ZNF793: variants seen among roughly 807,000 people sequenced by gnomAD.
ZNF793 encodes the protein zinc finger protein 793.
A neutral mutation model predicts 12.4 loss-of-function variants in ZNF793; 5 were observed. That is an observed-to-expected ratio of 0.40 (90% CI 0.21 to 0.84). The LOEUF (loss-of-function observed/expected upper bound fraction) is 0.84, where lower values mean the gene tolerates loss of function less well. Ranked by LOEUF, ZNF793 falls within the 40% of genes least tolerant of loss-of-function variation. The pLI is 0.35. For missense variants in ZNF793, 456 were observed against 495.0 expected, an observed-to-expected ratio of 0.92 and a Z score of 0.75; for synonymous variants, 162 against 172.4, an observed-to-expected ratio of 0.94 and a Z score of 0.47.
At chr19:37,528,153 G>A (rs1482886327) in intron 5 of ZNF793, among the ~76,000 whole-genome samples, 1 of 151,976 alleles carries the variant, frequency 6.6e-6, no homozygotes, top group Admixed American at 6.6e-5. Flanking sequence ...AATTAATTAA[G>A]TAAAATCAAC....
intron 2 of ZNF793, among the ~76,000 whole-genome samples, chr19:37,515,818 T>A (rs1036711851): frequency 2.6e-5 from 4 of 152,326 alleles, no homozygotes; most frequent in African/African-American, 4.8e-5. Context: ...TCGACAATTT[T>A]AAAAATTGTC....
chr19:37,518,609 C>T (rs943148750), intron 2 of ZNF793, among the ~76,000 whole-genome samples: 1 of 125,140 alleles, frequency 8.0e-6, no homozygotes, highest in Non-Finnish European at 1.6e-5. Context: ...GCCCGAAAAA[C>T]ATGGTGAAAC....
rs1414086644 is a variant in ZNF793, at chr19:37,508,332, GA to G, written c.-344del. 6.6e-6 allele frequency: 1 copy of G among 152,114 alleles called. No individual in the cohort carries two copies. The highest frequency in any genetic ancestry group is 1.5e-5 in the Non-Finnish European group (1 of 68,032). The allele number at this position is 152,114 out of a possible 1,614,324, so 9.4% of individuals were successfully genotyped here. On this transcript the variant is annotated 5_prime_UTR_variant, in exon 2 of 8. The change abolishes the stop of an existing upstream ORF in the 5' untranslated region. Coordinates refer to ENST00000627814, the MANE Select transcript of ZNF793 (RefSeq NM_001013659.3). ...ATCCCAAGAGTGAGGCTGGTTTCTG[GA>G]AATCCATTCTGACTCTGTGACAGCG...
At position 37,519,610 on chromosome 19, in the gene ZNF793, G is replaced by A. The variant is rs982649613; in HGVS notation, c.-275-574G>A. Among the ~76,000 whole-genome samples the A allele has an allele frequency of 9.9e-5, 15 of 152,078 alleles. 1 individual carries two copies. The highest frequency in any genetic ancestry group is 1.8e-4 in the Non-Finnish European group (12 of 68,022). The stretch of plus-strand genomic sequence containing the variant: ...ACAAAGGATTAATAGCCTCAATATA[G>A]AAAGAACACTTGTAAATGAATTTTT... On this transcript the variant is annotated intron_variant, in intron 2 of 7. Coordinates refer to ENST00000627814, the MANE Select transcript of ZNF793 (RefSeq NM_001013659.3).
chr19:37,511,250 G>A (rs965675853), intron 2 of ZNF793, among the ~76,000 whole-genome samples: 6 of 152,114 alleles, frequency 3.9e-5, no homozygotes, highest in Non-Finnish European at 5.9e-5. Flanking sequence ...TATCTCCCCT[G>A]TGAATCCACT....
At chr19:37,536,845 T>C (rs960308233) in intron 7 of ZNF793, 52 bp from the exon 8 acceptor site, 120 of 1,528,600 alleles carry the variant, frequency 7.9e-5, no homozygotes, top group Non-Finnish European at 1.0e-4. Flanking sequence ...TTTGAGAGCA[T>C]TTCTTAAGTA....
intron 5 of ZNF793, among the ~76,000 whole-genome samples, chr19:37,525,231 C>T (rs1490249609): frequency 5.3e-5 from 8 of 151,722 alleles, no homozygotes; most frequent in African/African-American, 9.7e-5. Flanking sequence ...CTCCTCCTTC[C>T]GGGTTCACGC....
intron 2 of ZNF793, among the ~76,000 whole-genome samples, chr19:37,511,270 CATATT>C (rs1315505457): frequency 1.3e-4 from 20 of 152,206 alleles, no homozygotes; most frequent in Non-Finnish European, 1.8e-4. Flanking sequence ...TTGATTGACT[CATATT>C]CACTGAATTT....
chr19:37,538,051 A>ACAGG lies in ZNF793; in HGVS notation c.*173_*176dup. 1 of 706,048 alleles carries ACAGG rather than the reference A, an allele frequency of 1.4e-6. No homozygotes were observed. Among genetic ancestry groups the ACAGG allele is most frequent in the East Asian group, 3.0e-5 (1 of 33,026 alleles). 43.7% of individuals were successfully genotyped at this position (706,048 alleles called of 1,614,324 possible). On this transcript the variant is annotated 3_prime_UTR_variant, in exon 8 of 8. Transcript: ENST00000627814. ...CTCAGCCTCCCGAGTAGCTGGGACT[A>ACAGG]CAGGTGCCCACCACCATGCCCGGCT...
intron 2 of ZNF793, among the ~76,000 whole-genome samples, chr19:37,518,758 C>T (rs2147072268): frequency 6.6e-6 from 1 of 151,370 alleles, no homozygotes; most frequent in East Asian, 2.0e-4. Context: ...ATGATCATGC[C>T]ACTGTACTCC....
rs2042535136 is a variant in ZNF793 at position 37,539,142 on chromosome 19, T to C, written c.*1263T>C. 1 of 152,242 alleles carries C rather than the reference T, an allele frequency of 6.6e-6. No homozygotes were observed. Among genetic ancestry groups the C allele is most frequent in the Non-Finnish European group, 1.5e-5 (1 of 68,034 alleles). The allele number at this position is 152,242 out of a possible 1,614,324, so 9.4% of individuals were successfully genotyped here. A position where few individuals can be genotyped will look rare whatever the true frequency, so the allele number is the denominator to read the frequency against. On this transcript the variant is annotated 3_prime_UTR_variant, in exon 8 of 8. Transcript: ENST00000627814. ...AATTTTACTAAAATGTAGTTATTTA[T>C]ATTAAAAATGCAAGCTAAGGAATAG...
Position 37,540,072 on chromosome 19 carries a change from G to C in ZNF793, c.*2193G>C, listed in dbSNP as rs1175592777. On this transcript the variant is annotated 3_prime_UTR_variant, in exon 8 of 8. Coordinates refer to ENST00000627814, the MANE Select transcript of ZNF793 (RefSeq NM_001013659.3). ...CCGAGGCAGGTGGATCATGAGGTCA[G>C]AAGTTCGAGATGGTGAAACCCCATC... is the stretch of plus-strand genomic sequence containing the variant. 1 of 151,916 alleles carries C rather than the reference G, an allele frequency of 6.6e-6. No homozygotes were observed. The highest frequency in any genetic ancestry group is 1.5e-5 in the Non-Finnish European group (1 of 67,976). The allele number at this position is 151,916 out of a possible 1,614,324, so 9.4% of individuals were successfully genotyped here.
chr19:37,509,503 G>C (rs1029111485), intron 2 of ZNF793, among the ~76,000 whole-genome samples: 1 of 152,144 alleles, frequency 6.6e-6, no homozygotes. Context: ...TGGATGCTAA[G>C]GCAGGTAACA....
At position 37,540,682 on chromosome 19, in the gene ZNF793, A is replaced by T. The variant is rs1214617698; in HGVS notation, c.*2803A>T. The T allele has an allele frequency of 6.6e-6, 1 of 152,084 alleles. No homozygotes were observed. The highest frequency in any genetic ancestry group is 1.5e-5 in the Non-Finnish European group (1 of 67,994). The allele number at this position is 152,084 out of a possible 1,614,324, so 9.4% of individuals were successfully genotyped here. A position where few individuals can be genotyped will look rare whatever the true frequency, so the allele number is the denominator to read the frequency against. ...GCAATAAAAAGAAATGAATTGGTAT[A>T]AACAGCAGAAAAGGTAAAACTATCC... is the stretch of plus-strand genomic sequence containing the variant. On this transcript the variant is annotated 3_prime_UTR_variant, in exon 8 of 8. Transcript: ENST00000627814.
Position 37,542,839 on chromosome 19 carries a change from ATTT to A in ZNF793, c.*4962_*4964del, listed in dbSNP as rs2042560382. The A allele has an allele frequency of 6.5e-6, 1 of 154,472 alleles. No individual in the cohort carries two copies. Among genetic ancestry groups the A allele is most frequent in the African/African-American group, 2.4e-5 (1 of 41,484 alleles). The allele number at this position is 154,472 out of a possible 1,614,324, so 9.6% of individuals were successfully genotyped here. Reference sequence around the variant, plus strand: ...AACGGTATCTATATATGTTTATTTGATTTTATGTGCATGAAGAAAAGTATAGAA... The same window carrying A: ...AACGGTATCTATATATGTTTATTTGATATGTGCATGAAGAAAAGTATAGAA... On this transcript the variant is annotated 3_prime_UTR_variant, in exon 8 of 8. Transcript: ENST00000627814.
Position 37,538,094 on chromosome 19 carries a change from T to C in ZNF793, c.*215T>C. On this transcript the variant is annotated 3_prime_UTR_variant, in exon 8 of 8. Transcript: ENST00000627814. Reference sequence around the variant, plus strand: ...GCCCGGCTAATTTTTTTTTTGTATTTTTAGTAGAGACGGGGTTTCACCGTG... The same window carrying C: ...GCCCGGCTAATTTTTTTTTTGTATTCTTAGTAGAGACGGGGTTTCACCGTG... 1 of 475,538 alleles carries C rather than the reference T, an allele frequency of 2.1e-6. No individual in the cohort carries two copies. Among genetic ancestry groups the C allele is most frequent in the Non-Finnish European group, 3.7e-6 (1 of 271,862 alleles). The allele number at this position is 475,538 out of a possible 1,614,324, so 29.5% of individuals were successfully genotyped here. A position where few individuals can be genotyped will look rare whatever the true frequency, so the allele number is the denominator to read the frequency against.
intron 7 of ZNF793, chr19:37,534,540 CT>C (rs2042488992): frequency 6.6e-6 from 1 of 152,326 alleles, no homozygotes; most frequent in Admixed American, 6.6e-5. Flanking sequence ...ACCACTTCAT[CT>C]TGCTTATTAT....
intron 7 of ZNF793, chr19:37,536,567 T>C: frequency 2.4e-6 from 1 of 413,000 alleles, no homozygotes; most frequent in Non-Finnish European, 4.3e-6. Flanking sequence ...TATATTTTCA[T>C]GGTATGGCGG....
chr19:37,530,000 G>T (rs984854224), intron 5 of ZNF793, among the ~76,000 whole-genome samples: 1 of 151,854 alleles, frequency 6.6e-6, no homozygotes, highest in African/African-American at 2.4e-5. Context: ...GGTGTTTCTC[G>T]GTGAGGGGGA....
Sources: allele counts gnomAD v4.1 joint callset (sites outside exome capture counted in the v4.1 genomes callset), GRCh38; gene constraint gnomAD v4.1.1; transcripts MANE v1.5; gene names NCBI Gene and HGNC (gene_info 2026-07-23, HGNC 2026-07-21).